The following CDH13 variants were observed in gnomAD, a reference collection of about 807,000 sequenced individuals.
CDH13 encodes cadherin 13, also known as cadherin-13.
CDH13 carries 24 observed loss-of-function variants against 63.8 expected under a neutral mutation model. That is an observed-to-expected ratio of 0.38 (90% CI 0.27 to 0.53). The LOEUF is 0.53. Among genes scored for constraint, CDH13 ranks in the 20% least tolerant of loss-of-function variants. CDH13 has a pLI of 0.85. For missense variants in CDH13, 1,049 were observed against 903.1 expected (o/e 1.16, Z -2.07); for synonymous variants, 503 against 355.3 (o/e 1.42, Z -4.67).
intron 1 of CDH13, among the ~76,000 whole-genome samples, chr16:82,660,400 G>A (rs1468187317): frequency 6.6e-6 from 1 of 152,082 alleles, no homozygotes; most frequent in African/African-American, 2.4e-5. Flanking sequence ...ACAGCCATCT[G>A]CTGAAACCAC....
rs538138973 is a variant in CDH13, at chr16:83,100,993, A to G, written c.367-24392A>G. 1.4e-4 allele frequency among the ~76,000 whole-genome samples: 21 copies of G among 152,240 alleles called. No individual in the cohort carries two copies. In the South Asian group the frequency reaches 4.1e-3, roughly 30 times the overall value. On this transcript the variant is annotated intron_variant, in intron 3 of 13. Transcript: ENST00000567109. Reference sequence around the variant, plus strand: ...AATTCTTTCTCATTTTTCATTTCCTATATGATTCAGATCCTTTATATTTCA... The same window carrying G: ...AATTCTTTCTCATTTTTCATTTCCTGTATGATTCAGATCCTTTATATTTCA...
At chr16:83,319,982 A>G (rs928068121) in intron 5 of CDH13, among the ~76,000 whole-genome samples, 8 of 152,164 alleles carry the variant, frequency 5.3e-5, no homozygotes, top group African/African-American at 1.9e-4. Context: ...TAATTCTAGG[A>G]TTATTCTGCA....
rs79599624 is a variant in CDH13, at chr16:83,600,993, T to C, written c.961-1461T>C. On this transcript the variant is annotated intron_variant, in intron 7 of 13. Transcript: ENST00000567109. ...GACTCCTCTAGCTCCCCCTGCCAAATGCTTCCAGGTCCACACCACAGGGAA... is the reference window on the plus strand; with the variant it reads ...GACTCCTCTAGCTCCCCCTGCCAAACGCTTCCAGGTCCACACCACAGGGAA... Among the ~76,000 whole-genome samples, 289 of 152,254 alleles carry C rather than the reference T, an allele frequency of 1.9e-3. 4 individuals carry two copies. The East Asian group carries it at 0.052, about 27-fold the overall frequency.
chr16:83,145,286 C>A (rs1483456631), intron 4 of CDH13, among the ~76,000 whole-genome samples: 1 of 152,182 alleles, frequency 6.6e-6, no homozygotes, highest in Non-Finnish European at 1.5e-5. Flanking sequence ...ATCATTGAGG[C>A]TTGGGCAGCA....
At chr16:83,213,862 A>G (rs1026445979) in intron 4 of CDH13, among the ~76,000 whole-genome samples, 10 of 152,072 alleles carry the variant, frequency 6.6e-5, no homozygotes, top group African/African-American at 1.9e-4. Context: ...AAATGCACCA[A>G]TCAGTGCTCT....
intron 2 of CDH13, among the ~76,000 whole-genome samples, chr16:82,908,124 G>A (rs1376846743): frequency 6.6e-6 from 1 of 152,096 alleles, no homozygotes; most frequent in Non-Finnish European, 1.5e-5. Context: ...GAAGCTTGAG[G>A]AAAGGAGCTA....
intron 5 of CDH13, among the ~76,000 whole-genome samples, chr16:83,307,226 G>A (rs556646332): frequency 6.6e-6 from 1 of 152,178 alleles, no homozygotes; most frequent in East Asian, 1.9e-4. Flanking sequence ...CTATTCCTCT[G>A]TGGGTGATTG....
intron 2 of CDH13, among the ~76,000 whole-genome samples, chr16:82,951,064 C>A (rs1449651919): frequency 6.6e-6 from 1 of 152,164 alleles, no homozygotes; most frequent in Non-Finnish European, 1.5e-5. Context: ...AGCCCAGATA[C>A]CTTCCCTTGG....
chr16:82,964,155 A>G (rs543775948), intron 2 of CDH13, among the ~76,000 whole-genome samples: 2 of 152,354 alleles, frequency 1.3e-5, no homozygotes, highest in African/African-American at 2.4e-5. Context: ...TCATAAATCC[A>G]TAATGGGCCT....
At chr16:83,334,541 T>TAA (rs56689711) in intron 5 of CDH13, among the ~76,000 whole-genome samples, 117 of 147,844 alleles carry the variant, frequency 7.9e-4, no homozygotes, top group East Asian at 2.2e-3. Flanking sequence ...CTGGCTAGTT[T>TAA]AAAAAAAAAA....
intron 1 of CDH13, among the ~76,000 whole-genome samples, chr16:82,701,321 C>T (rs1263573512): frequency 1.3e-5 from 2 of 152,048 alleles, no homozygotes; most frequent in East Asian, 1.9e-4. Flanking sequence ...TCTCTTTTTC[C>T]ATCCAACTTA....
At chr16:83,702,152 G>T (rs995036000) in intron 10 of CDH13, among the ~76,000 whole-genome samples, 1 of 152,162 alleles carries the variant, frequency 6.6e-6, no homozygotes, top group Non-Finnish European at 1.5e-5. Context: ...TCCTTGGGGT[G>T]TAATACAAAA....
intron 6 of CDH13, among the ~76,000 whole-genome samples, chr16:83,416,244 T>C (rs1315327656): frequency 1.3e-5 from 2 of 152,190 alleles, no homozygotes; most frequent in East Asian, 3.8e-4. Flanking sequence ...GAAGGGAATT[T>C]TAAAAGACAC....
intron 1 of CDH13, among the ~76,000 whole-genome samples, chr16:82,672,106 C>T (rs962461676): frequency 6.6e-6 from 1 of 152,168 alleles, no homozygotes; most frequent in Non-Finnish European, 1.5e-5. Context: ...TGAAGCTGGG[C>T]CGATTGGATT....
intron 2 of CDH13, among the ~76,000 whole-genome samples, chr16:82,881,766 G>A (rs1241180433): frequency 6.6e-6 from 1 of 152,148 alleles, no homozygotes; most frequent in African/African-American, 2.4e-5. Context: ...TTGCCTGACA[G>A]TGGTGAGGAG....
chr16:82,738,016 G>T (rs752397731), intron 1 of CDH13, among the ~76,000 whole-genome samples: 1 of 152,142 alleles, frequency 6.6e-6, no homozygotes, highest in South Asian at 2.1e-4. Flanking sequence ...AAATGTTTAA[G>T]TGCACAATGC....
intron 4 of CDH13, among the ~76,000 whole-genome samples, chr16:83,201,909 T>C (rs371749239): frequency 1.1e-4 from 17 of 152,248 alleles, no homozygotes; most frequent in African/African-American, 4.1e-4. Flanking sequence ...AGCGAGACTC[T>C]GTCTCAAAAA....
At chr16:83,745,265 G>C (rs568311273) in intron 10 of CDH13, among the ~76,000 whole-genome samples, 1 of 152,182 alleles carries the variant, frequency 6.6e-6, no homozygotes, top group Admixed American at 6.5e-5. Flanking sequence ...AGCCTCTCCT[G>C]GCGTCCTTCT....
At chr16:83,578,038 T>G (rs1172799561) in intron 7 of CDH13, among the ~76,000 whole-genome samples, 2 of 152,214 alleles carry the variant, frequency 1.3e-5, no homozygotes, top group African/African-American at 2.4e-5. Flanking sequence ...TCCATGTCAT[T>G]AAATATTCCC....
Sources: allele counts gnomAD v4.1 joint callset (sites outside exome capture counted in the v4.1 genomes callset), GRCh38; gene constraint gnomAD v4.1.1; transcripts MANE v1.5; gene names NCBI Gene and HGNC (gene_info 2026-07-23, HGNC 2026-07-21).